The following DOCK3 variants were observed in gnomAD, a reference collection of about 807,000 sequenced individuals.
DOCK3 encodes the protein dedicator of cytokinesis 3, also known as dedicator of cytokinesis protein 3.
In DOCK3, 60 loss-of-function variants were observed where a neutral mutation model predicts 265.6. The ratio of observed to expected loss-of-function variants is 0.23; its 90% CI spans 0.18 to 0.28. DOCK3 has a LOEUF of 0.28. Among genes scored for constraint, DOCK3 ranks in the 10% least tolerant of loss-of-function variants. The pLI, the probability that DOCK3 is intolerant of heterozygous loss-of-function variation, is 1.00. For synonymous variants in DOCK3, 881 were observed against 938.0 expected, an observed-to-expected ratio of 0.94 and a Z score of 1.11; for missense variants, 1,981 against 2,594.3, an observed-to-expected ratio of 0.76 and a Z score of 5.14.
intron 12 of DOCK3, among the ~76,000 whole-genome samples, chr3:51,175,298 G>A (rs189408609): frequency 1.2e-4 from 19 of 152,280 alleles, no homozygotes; most frequent in Admixed American, 2.6e-4. Context: ...ACTAAGTTTA[G>A]TGGTCCTGCC....
intron 1 of DOCK3, among the ~76,000 whole-genome samples, chr3:50,692,183 T>C (rs1479872330): frequency 2.0e-5 from 3 of 152,202 alleles, no homozygotes; most frequent in African/African-American, 7.2e-5. Flanking sequence ...TTCCAAAACA[T>C]TGAGATTACA....
chr3:50,866,477 CTTTTT>C (rs35832182), intron 3 of DOCK3, among the ~76,000 whole-genome samples: 1 of 141,490 alleles, frequency 7.1e-6, no homozygotes. Context: ...AAGCGAGACT[CTTTTT>C]TTTTTTTTTT....
At chr3:51,278,821 A>G (rs1183908060) in intron 26 of DOCK3, among the ~76,000 whole-genome samples, 3 of 152,142 alleles carry the variant, frequency 2.0e-5, no homozygotes, top group African/African-American at 7.2e-5. Flanking sequence ...CTTTTTACAT[A>G]ATGGACTTTA....
chr3:51,361,931 A>G lies in DOCK3; in HGVS notation c.5079A>G (p.Gly1693=). The part of the protein sequence containing the change: ...SLSSHASSEA[G]NMVMLGDGSM... The stretch of plus-strand genomic sequence containing the variant: ...CCTCACATGCGTCTAGTGAAGCAGG[A>G]AACATGGTGATGCTGGGTGACGGCT... The change falls in exon 48 of 53, where the codon GGA becomes GGG. Residue 1693 remains glycine, a synonymous_variant. Transcript: ENST00000266037. This position sits in a 1 kb window ranked among gnomAD's most constrained non-coding sequence, Gnocchi z 4.2. 1 of 1,612,922 alleles carries G rather than the reference A, an allele frequency of 6.2e-7. No individual in the cohort carries two copies. Among genetic ancestry groups the G allele is most frequent in the Non-Finnish European group, 8.5e-7 (1 of 1,179,486 alleles).
At chr3:51,071,267 G>T (rs1481777437) in intron 6 of DOCK3, among the ~76,000 whole-genome samples, 1 of 152,128 alleles carries the variant, frequency 6.6e-6, no homozygotes, top group Non-Finnish European at 1.5e-5. Context: ...CACAGAATAG[G>T]TTCTAATATA....
At chr3:51,153,070 C>T (rs34767613) in intron 10 of DOCK3, among the ~76,000 whole-genome samples, 2,672 of 152,346 alleles carry the variant, frequency 0.018, 43 homozygotes, top group Non-Finnish European at 0.026. Flanking sequence ...GCAGAAGTTT[C>T]TGCTGCCTTT....
At position 50,742,111 on chromosome 3, in the gene DOCK3, T is replaced by C. The variant is rs2039080695; in HGVS notation, c.38-36564T>C. On this transcript the variant is annotated intron_variant, in intron 1 of 52. Transcript: ENST00000266037. Reference sequence around the variant, plus strand: ...TCTGTTCATGTCCTTCGCCCACTTTTTGAACAGACCTGCAGCTGAGGGTCC... The same window carrying C: ...TCTGTTCATGTCCTTCGCCCACTTTCTGAACAGACCTGCAGCTGAGGGTCC... Among the ~76,000 whole-genome samples, 4 of 152,304 alleles carry C rather than the reference T, an allele frequency of 2.6e-5. 1 individual carries two copies. Among genetic ancestry groups the C allele is most frequent in the African/African-American group, 9.6e-5 (4 of 41,564 alleles).
chr3:51,338,536 A>G, intron 36 of DOCK3, 117 bp downstream of exon 36: 1 of 1,146,878 alleles, frequency 8.7e-7, no homozygotes, highest in East Asian at 2.6e-5. Context: ...TTGAATCAGG[A>G]CATCAGCTCT....
At chr3:50,821,230 G>A (rs1212426426) in intron 2 of DOCK3, among the ~76,000 whole-genome samples, 1 of 149,366 alleles carries the variant, frequency 6.7e-6, no homozygotes, top group Non-Finnish European at 1.5e-5. Flanking sequence ...TTGCTTTGGA[G>A]ACTTAGCCAC....
chr3:50,768,190 T>C lies in DOCK3; in HGVS notation c.38-10485T>C, dbSNP rs994990209. Among the ~76,000 whole-genome samples, 3 of 152,312 alleles carry C rather than the reference T, an allele frequency of 2.0e-5. No individual in the cohort carries two copies. The South Asian group carries it at 6.2e-4, about 32-fold the overall frequency. On this transcript the variant is annotated intron_variant, in intron 1 of 52. Coordinates refer to ENST00000266037, the MANE Select transcript of DOCK3 (RefSeq NM_004947.5). ...GGTGAGAGAGGGCATCCCTGTCCTA[T>C]GCCAGTTTTCAAAGGGAATGCTTCC... is the stretch of plus-strand genomic sequence containing the variant.
At chr3:51,154,743 T>A (rs1289887904) in intron 10 of DOCK3, among the ~76,000 whole-genome samples, 1 of 152,238 alleles carries the variant, frequency 6.6e-6, no homozygotes, top group Non-Finnish European at 1.5e-5. Flanking sequence ...TTTGACTTTT[T>A]AAAAATGAAC....
At chr3:50,990,566 C>T (rs2078068347) in intron 5 of DOCK3, among the ~76,000 whole-genome samples, 1 of 152,086 alleles carries the variant, frequency 6.6e-6, no homozygotes, top group Non-Finnish European at 1.5e-5. Context: ...TATTAGGGTT[C>T]TCTAGAGGGA....
intron 2 of DOCK3, among the ~76,000 whole-genome samples, chr3:50,832,053 C>T (rs989198441): frequency 6.6e-6 from 1 of 152,114 alleles, no homozygotes; most frequent in Non-Finnish European, 1.5e-5. Flanking sequence ...TGTTCATATC[C>T]TTTGCCCACT....
intron 5 of DOCK3, among the ~76,000 whole-genome samples, chr3:51,016,590 ATT>A (rs1297401746): frequency 1.1e-5 from 1 of 90,666 alleles, no homozygotes; most frequent in Non-Finnish European, 1.9e-5. Context: ...TATATCATAT[ATT>A]ATATATGATA....
intron 12 of DOCK3, among the ~76,000 whole-genome samples, chr3:51,175,797 T>G (rs1440147594): frequency 6.6e-6 from 1 of 152,214 alleles, no homozygotes; most frequent in Non-Finnish European, 1.5e-5. Flanking sequence ...ATATAATAAC[T>G]TTAAATGAAA....
chr3:51,307,658 A>T (rs1479207214), intron 27 of DOCK3, among the ~76,000 whole-genome samples: 2 of 152,114 alleles, frequency 1.3e-5, no homozygotes, highest in Non-Finnish European at 2.9e-5. Flanking sequence ...AGGTCAGCAC[A>T]GGTGAGAGAT....
intron 32 of DOCK3, among the ~76,000 whole-genome samples, chr3:51,315,734 A>G (rs1325075637): frequency 6.6e-6 from 1 of 152,176 alleles, no homozygotes; most frequent in African/African-American, 2.4e-5. Flanking sequence ...TAGCTAATCA[A>G]ATAAATAACT....
intron 49 of DOCK3, among the ~76,000 whole-genome samples, chr3:51,368,414 G>A (rs1315696490): frequency 2.6e-5 from 4 of 152,178 alleles, no homozygotes; most frequent in East Asian, 1.9e-4. Context: ...TATATCCTGC[G>A]CCTGACTCAG....
rs1437477734 is a variant in DOCK3, at chr3:51,016,779, AT to A, written c.316-47668del. 6.6e-5 allele frequency among the ~76,000 whole-genome samples: 2 copies of A among 30,146 alleles called. 1 individual carries two copies. Among genetic ancestry groups the A allele is most frequent in the Non-Finnish European group, 1.0e-4 (2 of 19,730 alleles). The allele number at this position is 30,146 out of a possible 152,430, so 19.8% of individuals were successfully genotyped here. On this transcript the variant is annotated intron_variant, in intron 5 of 52. Coordinates refer to ENST00000266037, the MANE Select transcript of DOCK3 (RefSeq NM_004947.5). ...ATATATATGATATATGTTTATATAT[AT>A]CATATATAAATATATATGATATATG...
Sources: allele counts gnomAD v4.1 joint callset (sites outside exome capture counted in the v4.1 genomes callset), GRCh38; gene constraint gnomAD v4.1.1; non-coding constraint Gnocchi (gnomAD v3.1); transcripts MANE v1.5; gene names NCBI Gene and HGNC (gene_info 2026-07-23, HGNC 2026-07-21).